The following WDR46 variants were observed in gnomAD, a reference collection of about 807,000 sequenced individuals.
WDR46 encodes WD repeat-containing protein 46.
A neutral mutation model predicts 74.7 loss-of-function variants in WDR46; 58 were observed. That is an observed-to-expected ratio of 0.78 (90% CI 0.63 to 0.97). The LOEUF is 0.97. Among genes scored for constraint, WDR46 ranks in the 50% least tolerant of loss-of-function variants. The pLI, the probability that WDR46 is intolerant of heterozygous loss-of-function variation, is 0.00. For synonymous variants in WDR46, 278 were observed against 297.3 expected (o/e 0.93, Z 0.67); for missense variants, 702 against 790.1 (o/e 0.89, Z 1.34).
chr6:33,288,322 G>A (rs1766888455), intron 4 of WDR46, 36 bp downstream of exon 4: 3 of 1,613,010 alleles, frequency 1.9e-6, no homozygotes, highest in Middle Eastern at 1.6e-4. Flanking sequence ...AGTCCCAAAA[G>A]GCAGGGAATG....
chr6:33,288,548 C>A (rs1302218453), intron 3 of WDR46, 66 bp downstream of exon 3: 2 of 1,608,608 alleles, frequency 1.2e-6, no homozygotes, highest in Non-Finnish European at 1.7e-6. Context: ...CCTGTCCCAG[C>A]CTCCATCCAA....
chr6:33,280,870 C>G lies in WDR46; in HGVS notation c.1233G>C (p.Gln411His). 2 of 1,614,240 alleles carry G rather than the reference C, an allele frequency of 1.2e-6. No homozygotes were observed. The highest frequency in any genetic ancestry group is 2.2e-5 in the South Asian group (2 of 91,086). Reference protein sequence around the residue: ...PHGAGHLAFSQRGLLVAGMGD... With the variant: ...PHGAGHLAFSHRGLLVAGMGD... ...CCATTCCCGCCACCAGCAGTCCCCTCTGGGAGAAGGCCAGGTGCCCTGCTC... is the reference window on the plus strand; with the variant it reads ...CCATTCCCGCCACCAGCAGTCCCCTGTGGGAGAAGGCCAGGTGCCCTGCTC... The change falls in exon 11 of 15, where the codon CAG (glutamine) becomes CAC (histidine). Residue 411 changes from glutamine (Q) to histidine (H), a missense_variant. Gln to His is a conservative substitution (Grantham distance 24). Transcript: ENST00000374617.
Position 33,289,232 on chromosome 6 carries a change from G to C in WDR46, c.-62C>G, listed in dbSNP as rs1767051366. ...CTCTCAGCTGCCACACAGTCGGCTT[G>C]AAAACTCCCGGAAGCCCTCTGTCCT... On this transcript the variant is annotated 5_prime_UTR_variant, in exon 1 of 15. Coordinates refer to ENST00000374617, the MANE Select transcript of WDR46 (RefSeq NM_005452.6). The C allele has an allele frequency of 1.9e-6, 3 of 1,569,962 alleles. No homozygotes were observed. The highest frequency in any genetic ancestry group is 2.6e-6 in the Non-Finnish European group (3 of 1,160,772).
chr6:33,287,173 T>G lies in WDR46; in HGVS notation c.933A>C (p.Ala311=). 1 of 1,613,872 alleles carries G rather than the reference T, an allele frequency of 6.2e-7. No homozygotes were observed. Among genetic ancestry groups the G allele is most frequent in the Non-Finnish European group, 8.5e-7 (1 of 1,179,994 alleles). ...GCCGCCCAGCTCGAGCATTCAGAGC[T>G]GCCACAATCTTCCCCACTGACACAT... ...YLDVSVGKIV[A]ALNARAGRLD... The change falls in exon 9 of 15, where the codon GCA becomes GCC. Residue 311 remains alanine, a synonymous_variant. Coordinates refer to ENST00000374617, the MANE Select transcript of WDR46 (RefSeq NM_005452.6).
Position 33,280,768 on chromosome 6 carries a change from C to T in WDR46, c.1335G>A (p.Arg445=). The change falls in exon 11 of 15, where the codon CGG becomes CGA. Residue 445 remains arginine, a synonymous_variant. Coordinates refer to ENST00000374617, the MANE Select transcript of WDR46 (RefSeq NM_005452.6). ...PSLEQPYLTH[R]LSGPVHGLQF... ...GAAGGCCATGCACAGGGCCTGAGAG[C>T]CGGTGGGTGAGGTAGGGCTGTTCAA... The T allele has an allele frequency of 6.2e-7, 1 of 1,613,918 alleles. No homozygotes were observed. The highest frequency in any genetic ancestry group is 8.5e-7 in the Non-Finnish European group (1 of 1,179,872).
Position 33,287,096 on chromosome 6 carries a change from C to G in WDR46, c.1010G>C (p.Ser337Thr), listed in dbSNP as rs1254906509. ...AAACTAAGCCAGGTACTGACCATTGCTGTGTCCGAGATGGATGACGGCATT... is the reference window on the plus strand; with the variant it reads ...AAACTAAGCCAGGTACTGACCATTGGTGTGTCCGAGATGGATGACGGCATT... ...PYNAVIHLGH[S>T]NGTVSLWSPA... Residue 337 changes from serine (S) to threonine (T), a missense_variant, in exon 9 of 15, where the codon AGC becomes ACC. By Grantham distance (58) the Ser-to-Thr change is moderately conservative (BLOSUM62 1). Transcript: ENST00000374617. 6.2e-7 allele frequency: 1 copy of G among 1,613,490 alleles called. No homozygotes were observed. Among genetic ancestry groups the G allele is most frequent in the African/African-American group, 1.3e-5 (1 of 74,872 alleles).
Position 33,280,894 on chromosome 6 carries a change from T to A in WDR46, c.1209A>T (p.Gly403=). The change falls in exon 11 of 15, where the codon GGA becomes GGT. Residue 403 remains glycine (G), a synonymous_variant. Coordinates refer to ENST00000374617, the MANE Select transcript of WDR46 (RefSeq NM_005452.6). The part of the protein sequence containing the change: ...QPLSTRTLPH[G]AGHLAFSQRG... ...TCTGGGAGAAGGCCAGGTGCCCTGCTCCATGGGGCAGGGTCCGAGTGCTCA... is the reference window on the plus strand; with the variant it reads ...TCTGGGAGAAGGCCAGGTGCCCTGCACCATGGGGCAGGGTCCGAGTGCTCA... 1 of 1,614,186 alleles carries A rather than the reference T, an allele frequency of 6.2e-7. No homozygotes were observed. Among genetic ancestry groups the A allele is most frequent in the Non-Finnish European group, 8.5e-7 (1 of 1,180,022 alleles).
intron 10 of WDR46, chr6:33,284,564 C>G (rs1232769799): frequency 6.5e-6 from 1 of 153,720 alleles, no homozygotes; most frequent in Non-Finnish European, 1.5e-5. Context: ...ACAGCGCTCC[C>G]TATTTTGCTA....
chr6:33,288,027 C>T lies in WDR46; in HGVS notation c.562-1G>A, dbSNP rs1269646063. The T allele has an allele frequency of 1.2e-6, 2 of 1,614,016 alleles. No individual in the cohort carries two copies. The highest frequency in any genetic ancestry group is 2.7e-5 in the African/African-American group (2 of 74,920). Reference sequence around the variant, plus strand: ...ACTGCCGCAGATTCAAGTCAAAGTGCTGGGAAAGAGAAGAGTGAAAAAAAA... The same window carrying T: ...ACTGCCGCAGATTCAAGTCAAAGTGTTGGGAAAGAGAAGAGTGAAAAAAAA... On this transcript the variant is annotated splice_acceptor_variant, in intron 5 of 14. Transcript: ENST00000374617. LOFTEE classifies it high-confidence loss of function.
chr6:33,287,348 C>G lies in WDR46; in HGVS notation c.879+7G>C. ...CCAACCAGTTCCTGAGCTCCATGGC[C>G]ACTCACAGCTGTAGCCAGGAGGAAG... On this transcript the variant is annotated splice_region_variant and intron_variant, in intron 8 of 14. Coordinates refer to ENST00000374617, the MANE Select transcript of WDR46 (RefSeq NM_005452.6). 6.2e-7 allele frequency: 1 copy of G among 1,612,824 alleles called. No individual in the cohort carries two copies. The highest frequency in any genetic ancestry group is 8.5e-7 in the Non-Finnish European group (1 of 1,179,830).
Position 33,288,341 on chromosome 6 carries a change from G to C in WDR46, c.473+17C>G, listed in dbSNP as rs764122452. The stretch of plus-strand genomic sequence containing the variant: ...CCAAAAGGCAGGGAATGGGGGTCCA[G>C]ATTAGGGCTCACTCACCCAGGTTCT... On this transcript the variant is annotated intron_variant, in intron 4 of 14. Transcript: ENST00000374617. 6.2e-7 allele frequency: 1 copy of C among 1,613,890 alleles called. No individual in the cohort carries two copies. Among genetic ancestry groups the C allele is most frequent in the Non-Finnish European group, 8.5e-7 (1 of 1,179,868 alleles).
At chr6:33,287,814 G>T in intron 6 of WDR46, 96 bp from the exon 7 acceptor site, 1 of 1,528,540 alleles carries the variant, frequency 6.5e-7, no homozygotes, top group Non-Finnish European at 9.0e-7. Flanking sequence ...CTCTCCAGGC[G>T]GGCAGACACA....
rs763020839 is a variant in WDR46, at chr6:33,288,195, A to G, written c.514T>C (p.Cys172Arg). 28 of 1,614,094 alleles carry G rather than the reference A, an allele frequency of 1.7e-5. No homozygotes were observed. Among genetic ancestry groups the G allele is most frequent in the Middle Eastern group, 1.6e-4 (1 of 6,084 alleles). ...ACAGCCTCCACAATGTCAGCCTGGC[A>G]TATCTTTGCTGTGTCTTCCCCATCC... Reference protein sequence around the residue: ...GEDGEDTAKICQADIVEAVDI... With the variant: ...GEDGEDTAKIRQADIVEAVDI... The change falls in exon 5 of 15, where the codon TGC (cysteine) becomes CGC (arginine). Residue 172 changes from cysteine (C) to arginine (R), a missense_variant. By Grantham distance (180) the Cys-to-Arg change is radical. Coordinates refer to ENST00000374617, the MANE Select transcript of WDR46 (RefSeq NM_005452.6).
chr6:33,286,952 C>CATGGGAAAG (rs1766703766), intron 9 of WDR46, 58 bp from the exon 10 acceptor site: 1 of 1,599,658 alleles, frequency 6.3e-7, no homozygotes, highest in Non-Finnish European at 8.5e-7. Context: ...GGTTACTAAA[C>CATGGGAAAG]ATGGGAAAGA....
chr6:33,285,866 C>G (rs1766574793), intron 10 of WDR46, among the ~76,000 whole-genome samples: 1 of 148,862 alleles, frequency 6.7e-6, no homozygotes, highest in Admixed American at 6.7e-5. Flanking sequence ...GTGGGCCAGG[C>G]GCAGTGGCTC....
In WDR46 at chr6:33,288,609, C is replaced by T. The variant is rs756719895; in HGVS notation, c.360+5G>A. 3 of 1,612,748 alleles carry T rather than the reference C, an allele frequency of 1.9e-6. No individual in the cohort carries two copies. Among genetic ancestry groups the T allele is most frequent in the Middle Eastern group, 1.7e-4 (1 of 6,054 alleles). On this transcript the variant is annotated splice_donor_5th_base_variant and intron_variant, in intron 3 of 14. Transcript: ENST00000374617. Reference sequence around the variant, plus strand: ...GCACTTCCCAACTCTCCGGCTGGACCTCACCTTTCGGGATTTGTCAATGCG... The same window carrying T: ...GCACTTCCCAACTCTCCGGCTGGACTTCACCTTTCGGGATTTGTCAATGCG...
At chr6:33,287,250 T>G in intron 8 of WDR46, 24 bp from the exon 9 acceptor site, 1 of 1,613,488 alleles carries the variant, frequency 6.2e-7, no homozygotes, top group Non-Finnish European at 8.5e-7. Context: ...ACAGAGAGAA[T>G]GACCCAGTCC....
Position 33,280,700 on chromosome 6 carries a change from C to T in WDR46, c.1403G>A (p.Gly468Glu), listed in dbSNP as rs1481113306. 6.3e-7 allele frequency: 1 copy of T among 1,588,954 alleles called. No homozygotes were observed. Among genetic ancestry groups the T allele is most frequent in the Admixed American group, 1.7e-5 (1 of 58,686 alleles). Residue 468 changes from glycine (G) to glutamate (E), a missense_variant, in exon 11 of 15, where the codon GGG becomes GAG. Transcript: ENST00000374617. ...FEDVLGVGHT[G>E]GITSMLVPGA... The stretch of plus-strand genomic sequence containing the variant: ...AGGGACCAGCATGCTGGTGATGCCC[C>T]CAGTGTGCCCCACCCCCAGCACATC...
At position 33,279,788 on chromosome 6, in the gene WDR46, T is replaced by C. The variant is rs1441759022; in HGVS notation, c.1596A>G (p.Gly532=). The change falls in exon 13 of 15, where the codon GGA becomes GGG. Residue 532 remains glycine (G), a synonymous_variant. Transcript: ENST00000374617. The part of the protein sequence containing the change: ...AEVDVISLEQ[G]KKEQIERLGY... ...CCAGCCTCTCTATCTGCTCCTTCTT[T>C]CCCTGCTCCAGGGAGATGACATCCA... 6.2e-7 allele frequency: 1 copy of C among 1,614,086 alleles called. No individual in the cohort carries two copies. Among genetic ancestry groups the C allele is most frequent in the Non-Finnish European group, 8.5e-7 (1 of 1,179,984 alleles).
Sources: gnomAD v4.1 joint callset for allele counts (sites outside exome capture counted in the v4.1 genomes callset) on GRCh38, gnomAD v4.1.1 for gene constraint, MANE v1.5 for transcripts, NCBI Gene and HGNC (gene_info 2026-07-23, HGNC 2026-07-21) for gene names.